DLGAP2: variants seen among roughly 807,000 people sequenced by gnomAD.
The protein encoded by DLGAP2 is DLG associated protein 2, also known as disks large-associated protein 2.
A neutral mutation model predicts 100.3 loss-of-function variants in DLGAP2; 26 were observed. The observed-to-expected ratio is 0.26, with a 90% CI of 0.19 to 0.36. DLGAP2 has a LOEUF of 0.36. DLGAP2 is among the 10% of genes least tolerant of loss of function. DLGAP2 has a pLI of 1.00. For synonymous variants in DLGAP2, 886 were observed against 630.1 expected (o/e 1.41, Z -6.08); for missense variants, 1,858 against 1,453.2 (o/e 1.28, Z -4.53).
At chr8:1,664,579 C>T (rs1181387811) in intron 8 of DLGAP2, among the ~76,000 whole-genome samples, 2 of 152,168 alleles carry the variant, frequency 1.3e-5, no homozygotes, top group Admixed American at 6.5e-5. Context: ...CACTTTACGT[C>T]GGTGCCCAAC....
intron 2 of DLGAP2, among the ~76,000 whole-genome samples, chr8:973,105 A>G (rs750239652): frequency 6.6e-6 from 1 of 152,238 alleles, no homozygotes; most frequent in African/African-American, 2.4e-5. Context: ...CATCGTCATC[A>G]TGGCCCGTTC....
chr8:1,183,537 C>G (rs1445683387), intron 2 of DLGAP2, among the ~76,000 whole-genome samples: 1 of 152,200 alleles, frequency 6.6e-6, no homozygotes, highest in African/African-American at 2.4e-5. Flanking sequence ...TTAATCACAG[C>G]AGCCTATGAG....
intron 8 of DLGAP2, among the ~76,000 whole-genome samples, chr8:1,637,118 G>T (rs1045233647): frequency 1.1e-4 from 17 of 152,196 alleles, no homozygotes; most frequent in African/African-American, 3.9e-4. Context: ...GACCAGGTGT[G>T]CAGTGTGCAG....
intron 5 of DLGAP2, among the ~76,000 whole-genome samples, chr8:1,558,104 G>A (rs1284080074): frequency 3.3e-5 from 5 of 152,206 alleles, no homozygotes; most frequent in Non-Finnish European, 5.9e-5. Flanking sequence ...GGTGAGTGTG[G>A]CATCCACGCA....
chr8:1,181,515 G>A (rs549872458), intron 2 of DLGAP2, among the ~76,000 whole-genome samples: 2 of 151,980 alleles, frequency 1.3e-5, no homozygotes, highest in Non-Finnish European at 2.9e-5. Context: ...GGCACCGAGA[G>A]GGACAACATA....
Position 981,891 on chromosome 8 carries a change from T to C in DLGAP2, c.73+73925T>C, listed in dbSNP as rs148742721. On this transcript the variant is annotated intron_variant, in intron 2 of 14. Transcript: ENST00000637795. ...CTCTTTCCACAAAGAGTTTGAACTTTAACGTTGAATGGGAATCCAGTGCAT... is the reference window on the plus strand; with the variant it reads ...CTCTTTCCACAAAGAGTTTGAACTTCAACGTTGAATGGGAATCCAGTGCAT... 1.8e-4 allele frequency among the ~76,000 whole-genome samples: 27 copies of C among 152,356 alleles called. No individual in the cohort carries two copies. In the East Asian group the frequency reaches 3.3e-3, roughly 18 times the overall value.
chr8:763,831 G>C (rs1821146322), intron 1 of DLGAP2, among the ~76,000 whole-genome samples: 1 of 152,230 alleles, frequency 6.6e-6, no homozygotes, highest in African/African-American at 2.4e-5. Context: ...CGATGAAATA[G>C]AAAATCCTTC....
chr8:1,033,621 T>C (rs1802034729), intron 2 of DLGAP2, among the ~76,000 whole-genome samples: 2 of 152,142 alleles, frequency 1.3e-5, no homozygotes, highest in Admixed American at 1.3e-4. Flanking sequence ...TGAGCTGAGG[T>C]TACACTCTGC....
intron 3 of DLGAP2, among the ~76,000 whole-genome samples, chr8:1,365,360 G>A (rs1042142781): frequency 1.3e-5 from 2 of 152,174 alleles, no homozygotes; most frequent in Non-Finnish European, 2.9e-5. Flanking sequence ...AACAGGCACA[G>A]GGGAGCAGGG....
chr8:1,605,333 C>T (rs369488075), intron 6 of DLGAP2, among the ~76,000 whole-genome samples: 12 of 152,274 alleles, frequency 7.9e-5, no homozygotes, highest in East Asian at 5.8e-4. Flanking sequence ...TTCGCACTTC[C>T]GTCGCCACAC....
intron 1 of DLGAP2, among the ~76,000 whole-genome samples, chr8:761,352 A>C (rs1441823519): frequency 6.6e-6 from 1 of 152,192 alleles, no homozygotes; most frequent in Admixed American, 6.5e-5. Context: ...ACATCCATAC[A>C]GTTCCTCAAC....
At chr8:1,366,159 C>T (rs1250863688) in intron 3 of DLGAP2, among the ~76,000 whole-genome samples, 1 of 152,202 alleles carries the variant, frequency 6.6e-6, no homozygotes, top group East Asian at 1.9e-4. Flanking sequence ...TTTTCTTTTT[C>T]TTTCTCTCCT....
At chr8:1,663,054 C>G (rs1342836772) in intron 8 of DLGAP2, among the ~76,000 whole-genome samples, 34 of 110,984 alleles carry the variant, frequency 3.1e-4, no homozygotes, top group Non-Finnish European at 3.4e-5. Context: ...CCTGTGTGTA[C>G]ACATAGTGTG....
At chr8:1,630,979 AGGTCCGGGTGTCCCGAGGGTCTCGGCG>A (rs1797629373) in intron 7 of DLGAP2, among the ~76,000 whole-genome samples, 1 of 92,146 alleles carries the variant, frequency 1.1e-5, no homozygotes, top group Non-Finnish European at 2.5e-5. Context: ...TCTCGGCGGG[AGGTCCGGGTGTCCCGAGGGTCTCGGCG>A]GGAGGTCCGG....
intron 4 of DLGAP2, among the ~76,000 whole-genome samples, chr8:1,509,562 C>T (rs1800084505): frequency 6.6e-6 from 1 of 151,912 alleles, no homozygotes; most frequent in Non-Finnish European, 1.5e-5. Context: ...CGCTTTTGTG[C>T]TGTCTCGGTG....
chr8:1,695,748 C>T (rs1416700418), intron 13 of DLGAP2, among the ~76,000 whole-genome samples: 1 of 152,262 alleles, frequency 6.6e-6, no homozygotes, highest in Non-Finnish European at 1.5e-5. Context: ...TCTGAGCAGC[C>T]TCCCCTGCTG....
At chr8:1,321,617 T>G (rs559880354) in intron 3 of DLGAP2, among the ~76,000 whole-genome samples, 43 of 152,350 alleles carry the variant, frequency 2.8e-4, no homozygotes, top group African/African-American at 9.4e-4. Context: ...TCAGGATACT[T>G]TTTTTCATTT....
At chr8:1,524,974 G>T (rs1800743052) in intron 4 of DLGAP2, among the ~76,000 whole-genome samples, 1 of 152,052 alleles carries the variant, frequency 6.6e-6, no homozygotes, top group African/African-American at 2.4e-5. Flanking sequence ...GTTTTGCGGG[G>T]AGATTGTCCT....
chr8:1,162,159 C>T (rs1357293561), intron 2 of DLGAP2, among the ~76,000 whole-genome samples: 2 of 152,216 alleles, frequency 1.3e-5, no homozygotes, highest in Non-Finnish European at 2.9e-5. Flanking sequence ...CTCCCGGCAG[C>T]AGGGGCGGCC....
Sources: allele counts gnomAD v4.1 joint callset (sites outside exome capture counted in the v4.1 genomes callset), GRCh38; gene constraint gnomAD v4.1.1; transcripts MANE v1.5; gene names NCBI Gene and HGNC (gene_info 2026-07-23, HGNC 2026-07-21).